The following UBE2R2 variants were observed in gnomAD, a reference collection of about 807,000 sequenced individuals.
UBE2R2 encodes ubiquitin-conjugating enzyme E2 R2.
UBE2R2 carries 1 observed loss-of-function variant against 27.8 expected under a neutral mutation model. The observed-to-expected ratio is 0.04, with a 90% CI of 0.01 to 0.17. UBE2R2 has a LOEUF of 0.17. Ranked by LOEUF, UBE2R2 falls within the 10% of genes least tolerant of loss-of-function variation. UBE2R2 has a pLI of 1.00. For missense variants in UBE2R2, 100 were observed against 291.0 expected, an observed-to-expected ratio of 0.34 and a Z score of 4.78; for synonymous variants, 106 against 113.3, an observed-to-expected ratio of 0.94 and a Z score of 0.41.
chr9:33,865,358 G>A (rs945126576), intron 1 of UBE2R2, among the ~76,000 whole-genome samples: 6 of 151,786 alleles, frequency 4.0e-5, no homozygotes, highest in Admixed American at 6.6e-5. Flanking sequence ...CACCATGCCC[G>A]GCTAATTTTT....
At chr9:33,894,083 A>AGT (rs1822044379) in intron 2 of UBE2R2, among the ~76,000 whole-genome samples, 1 of 152,024 alleles carries the variant, frequency 6.6e-6, no homozygotes, top group Non-Finnish European at 1.5e-5. Context: ...TCCCACCAGC[A>AGT]GTGTGTGTGT....
intron 1 of UBE2R2, among the ~76,000 whole-genome samples, chr9:33,868,936 TAGC>T (rs1393424427): frequency 2.0e-5 from 3 of 151,574 alleles, no homozygotes; most frequent in Non-Finnish European, 4.4e-5. Context: ...AATAAATAGG[TAGC>T]AGGAATAATT....
At chr9:33,882,446 C>G (rs528005029) in intron 1 of UBE2R2, among the ~76,000 whole-genome samples, 106 of 152,236 alleles carry the variant, frequency 7.0e-4, no homozygotes, top group African/African-American at 2.4e-3. Flanking sequence ...GCCACTGCAC[C>G]TGGCTAATTT....
chr9:33,900,066 C>T, intron 2 of UBE2R2, 108 bp from the exon 3 acceptor site: 64 of 720,842 alleles, frequency 8.9e-5, no homozygotes, highest in South Asian at 1.5e-4. Context: ...TTGTTTTCTC[C>T]TTTGATGAAG....
At chr9:33,845,024 C>T (rs1370413614) in intron 1 of UBE2R2, among the ~76,000 whole-genome samples, 1 of 152,118 alleles carries the variant, frequency 6.6e-6, no homozygotes, top group African/African-American at 2.4e-5. Context: ...CTGCCTCGAC[C>T]TTCCAAAGTG....
intron 1 of UBE2R2, among the ~76,000 whole-genome samples, chr9:33,862,294 A>C (rs758205887): frequency 6.6e-6 from 1 of 152,034 alleles, no homozygotes; most frequent in Non-Finnish European, 1.5e-5. Context: ...TTGCTCCTTC[A>C]TATCTGGTAG....
intron 1 of UBE2R2, among the ~76,000 whole-genome samples, chr9:33,856,890 T>C (rs1017305064): frequency 1.6e-4 from 4 of 25,668 alleles, no homozygotes; most frequent in Admixed American, 4.1e-4. Flanking sequence ...TCCTTTCACT[T>C]TTTTTTTTTT....
At chr9:33,891,042 G>GTGTTTTT (rs1821968999) in intron 2 of UBE2R2, among the ~76,000 whole-genome samples, 1 of 78,572 alleles carries the variant, frequency 1.3e-5, no homozygotes, top group Non-Finnish European at 2.7e-5. Flanking sequence ...TTTTGTTGTT[G>GTGTTTTT]TTGTGTTTTT....
At chr9:33,841,662 A>AT (rs1451760315) in intron 1 of UBE2R2, among the ~76,000 whole-genome samples, 5 of 152,142 alleles carry the variant, frequency 3.3e-5, no homozygotes, top group Non-Finnish European at 7.3e-5. Context: ...GTATATGTGT[A>AT]TATCTGTACA....
intron 1 of UBE2R2, among the ~76,000 whole-genome samples, chr9:33,835,948 C>T (rs916728966): frequency 1.4e-4 from 22 of 152,140 alleles, no homozygotes; most frequent in African/African-American, 4.8e-4. Flanking sequence ...AGTGTGATTT[C>T]GTTTTAAGCT....
intron 1 of UBE2R2, among the ~76,000 whole-genome samples, chr9:33,841,087 A>ATT (rs937406198): frequency 2.1e-5 from 3 of 141,374 alleles, no homozygotes; most frequent in Non-Finnish European, 4.6e-5. Flanking sequence ...ACCACGCCTG[A>ATT]TTTTTTTTTT....
chr9:33,833,867 G>A (rs1443265768), intron 1 of UBE2R2, among the ~76,000 whole-genome samples: 3 of 152,028 alleles, frequency 2.0e-5, no homozygotes, highest in Admixed American at 2.0e-4. Flanking sequence ...TTTATTCTGG[G>A]CACCTTGTAG....
At chr9:33,886,842 T>C in intron 1 of UBE2R2, 39 bp from the exon 2 acceptor site, 6 of 1,497,896 alleles carry the variant, frequency 4.0e-6, no homozygotes, top group South Asian at 2.4e-5. Flanking sequence ...GAATAAGTTA[T>C]AGTCTCATTT....
intron 1 of UBE2R2, among the ~76,000 whole-genome samples, chr9:33,844,515 A>ATTTTTTTTTTTTTTTTTTTTTTT (rs34578523): frequency 9.1e-6 from 1 of 110,170 alleles, no homozygotes. Flanking sequence ...TCCCACATCT[A>ATTTTTTTTTTTTTTTTTTTTTTT]TTTTTTTTTT....
chr9:33,826,823 A>G (rs1820325376), intron 1 of UBE2R2, among the ~76,000 whole-genome samples: 2 of 151,480 alleles, frequency 1.3e-5, no homozygotes, highest in Non-Finnish European at 2.9e-5. Context: ...CACGATTATA[A>G]TTTTTACCCA....
At chr9:33,891,111 G>A (rs1821976530) in intron 2 of UBE2R2, among the ~76,000 whole-genome samples, 1 of 145,532 alleles carries the variant, frequency 6.9e-6, no homozygotes, top group African/African-American at 2.5e-5. Context: ...GTGCAATGGT[G>A]CAATCTTGGC....
chr9:33,828,102 A>G (rs1457834776), intron 1 of UBE2R2, among the ~76,000 whole-genome samples: 1 of 152,016 alleles, frequency 6.6e-6, no homozygotes, highest in Non-Finnish European at 1.5e-5. Flanking sequence ...CAGGAGTTCA[A>G]GACCAGCCTG....
At chr9:33,855,467 G>T (rs10971739) in intron 1 of UBE2R2, among the ~76,000 whole-genome samples, 1 of 152,094 alleles carries the variant, frequency 6.6e-6, no homozygotes, top group Non-Finnish European at 1.5e-5. Context: ...TCATGAGTTT[G>T]TTTTTCCTGG....
chr9:33,877,823 GTCTC>G (rs1554675184), intron 1 of UBE2R2, among the ~76,000 whole-genome samples: 117 of 131,120 alleles, frequency 8.9e-4, no homozygotes, highest in Middle Eastern at 3.7e-3. Context: ...CTGTCTGTCT[GTCTC>G]TCTCTCTCTC....
Sources: gnomAD v4.1 joint callset for allele counts (sites outside exome capture counted in the v4.1 genomes callset) on GRCh38, gnomAD v4.1.1 for gene constraint, MANE v1.5 for transcripts, NCBI Gene and HGNC (gene_info 2026-07-23, HGNC 2026-07-21) for gene names.